JAZF1: variants seen among roughly 807,000 people sequenced by gnomAD.
JAZF1 encodes juxtaposed with another zinc finger protein 1.
A neutral mutation model predicts 26.4 loss-of-function variants in JAZF1; 8 were observed. The observed-to-expected ratio is 0.30, with a 90% CI of 0.18 to 0.55. The LOEUF (loss-of-function observed/expected upper bound fraction) is 0.55, where lower values mean the gene tolerates loss of function less well. Among genes scored for constraint, JAZF1 ranks in the 20% least tolerant of loss-of-function variants. JAZF1 has a pLI of 0.94. For missense variants in JAZF1, 199 were observed against 322.0 expected (o/e 0.62, Z 2.92); for synonymous variants, 126 against 122.3 (o/e 1.03, Z -0.20).
chr7:27,914,869 C>T, intron 2 of JAZF1: 1 of 470,928 alleles, frequency 2.1e-6, no homozygotes, highest in South Asian at 1.5e-5. Context: ...GTTCTAGAAC[C>T]TCCCTCTAGT....
rs146478490 is a variant in JAZF1, at chr7:27,877,275, G to A, written c.385+17945C>T. On this transcript the variant is annotated intron_variant, in intron 3 of 4. Transcript: ENST00000283928. The stretch of plus-strand genomic sequence containing the variant: ...CCGAATGAGAGGTCAAGCCTTCTCT[G>A]AGAAATATGGAAATACCAAACTTTT... Among the ~76,000 whole-genome samples the A allele has an allele frequency of 1.6e-3, 244 of 152,282 alleles. 1 individual carries two copies. The highest frequency in any genetic ancestry group is 5.4e-3 in the African/African-American group (226 of 41,560).
chr7:27,922,132 A>G (rs1468448087), intron 2 of JAZF1, among the ~76,000 whole-genome samples: 1 of 152,254 alleles, frequency 6.6e-6, no homozygotes, highest in Non-Finnish European at 1.5e-5. Context: ...TTACAGAAAG[A>G]AATACATAAA....
chr7:28,138,415 A>T (rs960604762), intron 1 of JAZF1, among the ~76,000 whole-genome samples: 1 of 152,232 alleles, frequency 6.6e-6, no homozygotes, highest in African/African-American at 2.4e-5. Flanking sequence ...TAAATTATGG[A>T]GAAGCTTCAG....
At chr7:27,966,317 A>T (rs1785274552) in intron 2 of JAZF1, among the ~76,000 whole-genome samples, 1 of 152,196 alleles carries the variant, frequency 6.6e-6, no homozygotes, top group Non-Finnish European at 1.5e-5. Flanking sequence ...ACTCTTTCTT[A>T]CACCAGCCTT....
At chr7:28,075,130 G>A (rs1268528677) in intron 1 of JAZF1, among the ~76,000 whole-genome samples, 1 of 152,150 alleles carries the variant, frequency 6.6e-6, no homozygotes, top group Non-Finnish European at 1.5e-5. Flanking sequence ...GCAAATTTAT[G>A]ACCCGGCAAA....
At chr7:27,834,231 GAATGA>G (rs1308090985) in intron 4 of JAZF1, among the ~76,000 whole-genome samples, 1 of 152,196 alleles carries the variant, frequency 6.6e-6, no homozygotes, top group African/African-American at 2.4e-5. Context: ...CTTTGTGAGT[GAATGA>G]AGTTACAACA....
At chr7:28,068,426 G>A (rs534425368) in intron 1 of JAZF1, among the ~76,000 whole-genome samples, 7 of 152,098 alleles carry the variant, frequency 4.6e-5, no homozygotes, top group African/African-American at 1.2e-4. Context: ...TCCTCTTGTC[G>A]TATCAATTAT....
chr7:27,901,471 T>C (rs1449702444), intron 2 of JAZF1, among the ~76,000 whole-genome samples: 1 of 152,186 alleles, frequency 6.6e-6, no homozygotes, highest in Non-Finnish European at 1.5e-5. Flanking sequence ...CACTATTTGC[T>C]GGAACCTGGG....
At chr7:28,056,458 AC>A (rs2128381419) in intron 1 of JAZF1, among the ~76,000 whole-genome samples, 1 of 147,672 alleles carries the variant, frequency 6.8e-6, no homozygotes, top group Non-Finnish European at 1.5e-5. Flanking sequence ...ACACACACAC[AC>A]ACACACACAC....
chr7:28,122,673 C>A (rs956020254), intron 1 of JAZF1, among the ~76,000 whole-genome samples: 10 of 152,100 alleles, frequency 6.6e-5, no homozygotes, highest in Admixed American at 1.3e-4. Flanking sequence ...ATTAACGTAT[C>A]ATTGCTTGTA....
rs117534049 is a variant in JAZF1 at position 28,149,669 on chromosome 7, A to G, written c.115+30794T>C. 5.2e-3 allele frequency among the ~76,000 whole-genome samples: 795 copies of G among 152,324 alleles called. 4 individuals carry two copies. The highest frequency in any genetic ancestry group is 0.01 in the Middle Eastern group (3 of 294). ...CAACTAGATTCCCACACAAGCACAC[A>G]TTGATCTTCAATTTGAATCAGTGGG... On this transcript the variant is annotated intron_variant, in intron 1 of 4. Coordinates refer to ENST00000283928, the MANE Select transcript of JAZF1 (RefSeq NM_175061.4).
chr7:28,089,961 G>A (rs912414767), intron 1 of JAZF1, among the ~76,000 whole-genome samples: 1 of 152,190 alleles, frequency 6.6e-6, no homozygotes, highest in Non-Finnish European at 1.5e-5. Context: ...AAGAAACTCC[G>A]TGGTGAGATT....
intron 2 of JAZF1, among the ~76,000 whole-genome samples, chr7:27,965,546 T>A (rs1450609573): frequency 6.6e-6 from 1 of 152,226 alleles, no homozygotes; most frequent in East Asian, 1.9e-4. Context: ...GTTTCCCTGT[T>A]TTAAGAAAAT....
At chr7:28,020,390 C>T (rs969295313) in intron 1 of JAZF1, among the ~76,000 whole-genome samples, 6 of 152,050 alleles carry the variant, frequency 3.9e-5, no homozygotes, top group Non-Finnish European at 7.4e-5. Flanking sequence ...GAAAATGAAT[C>T]GGAAATGCAG....
At chr7:28,161,039 T>C (rs929540036) in intron 1 of JAZF1, among the ~76,000 whole-genome samples, 3 of 152,034 alleles carry the variant, frequency 2.0e-5, no homozygotes, top group Non-Finnish European at 4.4e-5. Flanking sequence ...TTCTAGTAAG[T>C]GACAATGAAC....
intron 2 of JAZF1, among the ~76,000 whole-genome samples, chr7:27,955,953 G>C (rs1407206552): frequency 2.0e-5 from 3 of 152,122 alleles, no homozygotes; most frequent in African/African-American, 7.2e-5. Flanking sequence ...TCCTTCTTTG[G>C]AAGAGCATCT....
Position 27,840,834 on chromosome 7 carries a change from T to G in JAZF1, c.419A>C (p.Glu140Ala). 1 of 1,614,152 alleles carries G rather than the reference T, an allele frequency of 6.2e-7. No individual in the cohort carries two copies. ...CCAGGACTCATCGCTGTCCGACTCC[T>G]CATAGTCCACCTCCTCCTCGTCATA... The part of the protein sequence containing the change: ...SEYDEEEVDY[E>A]ESDSDESWTT... Residue 140 changes from glutamate (E) to alanine (A), a missense_variant, in exon 4 of 5, where the codon GAG becomes GCG. Transcript: ENST00000283928. This position sits in a 1 kb window ranked among gnomAD's most constrained non-coding sequence, Gnocchi z 5.1.
chr7:27,870,551 A>G (rs1426326941), intron 3 of JAZF1, among the ~76,000 whole-genome samples: 1 of 152,110 alleles, frequency 6.6e-6, no homozygotes, highest in Non-Finnish European at 1.5e-5. Flanking sequence ...ATAATATTTC[A>G]AGGCTGGAAA....
At chr7:28,156,600 T>C (rs868494524) in intron 1 of JAZF1, among the ~76,000 whole-genome samples, 4 of 152,082 alleles carry the variant, frequency 2.6e-5, no homozygotes, top group Non-Finnish European at 5.9e-5. Flanking sequence ...TTCCCAAGAG[T>C]GTATTGAAAT....
Sources: allele counts gnomAD v4.1 joint callset (sites outside exome capture counted in the v4.1 genomes callset), GRCh38; gene constraint gnomAD v4.1.1; non-coding constraint Gnocchi (gnomAD v3.1); transcripts MANE v1.5; gene names NCBI Gene and HGNC (gene_info 2026-07-23, HGNC 2026-07-21).